Variants in REV3L observed in about 807,000 individuals in gnomAD.
REV3L encodes the protein DNA polymerase zeta catalytic subunit.
REV3L carries 69 observed loss-of-function variants against 299.4 expected under a neutral mutation model. The ratio of observed to expected loss-of-function variants is 0.23; its 90% CI spans 0.19 to 0.28. The LOEUF (loss-of-function observed/expected upper bound fraction) is 0.28, where lower values mean the gene tolerates loss of function less well. Among genes scored for constraint, REV3L ranks in the 10% least tolerant of loss-of-function variants. The pLI is 1.00. For missense variants in REV3L, 3,128 were observed against 3,693.8 expected (o/e 0.85, Z 3.97); for synonymous variants, 1,238 against 1,271.4 (o/e 0.97, Z 0.56).
intron 1 of REV3L, among the ~76,000 whole-genome samples, chr6:111,473,080 C>T (rs960102538): frequency 8.5e-5 from 13 of 152,132 alleles, no homozygotes; most frequent in Non-Finnish European, 1.5e-4. Flanking sequence ...AGCCAGATAC[C>T]AGAGTGACAT....
chr6:111,396,541 T>A (rs1447825328), intron 4 of REV3L, among the ~76,000 whole-genome samples: 1 of 152,124 alleles, frequency 6.6e-6, no homozygotes, highest in Admixed American at 6.6e-5. Flanking sequence ...TCTTCAAATT[T>A]CTAGACTAGT....
At chr6:111,339,842 G>A (rs1254707471) in intron 21 of REV3L, among the ~76,000 whole-genome samples, 2 of 152,132 alleles carry the variant, frequency 1.3e-5, no homozygotes, top group East Asian at 3.8e-4. Flanking sequence ...AAGAGTAATT[G>A]TGGCCTTTAC....
intron 16 of REV3L, among the ~76,000 whole-genome samples, chr6:111,362,072 T>C (rs1778746021): frequency 6.6e-6 from 1 of 152,232 alleles, no homozygotes; most frequent in Non-Finnish European, 1.5e-5. Flanking sequence ...TTTGCTTTAA[T>C]ACATATTTTT....
At chr6:111,326,828 A>AT (rs2114805733) in intron 25 of REV3L, among the ~76,000 whole-genome samples, 1 of 151,764 alleles carries the variant, frequency 6.6e-6, no homozygotes. Flanking sequence ...AAAGTGGCTG[A>AT]TATCTTCCAT....
chr6:111,366,179 T>C (rs778684764), intron 14 of REV3L, among the ~76,000 whole-genome samples: 2 of 152,148 alleles, frequency 1.3e-5, no homozygotes, highest in Non-Finnish European at 2.9e-5. Flanking sequence ...TGTGGAGGCA[T>C]GTATATATAA....
chr6:111,359,552 T>C (rs569267198), intron 16 of REV3L, among the ~76,000 whole-genome samples: 2 of 148,712 alleles, frequency 1.3e-5, no homozygotes, highest in South Asian at 2.1e-4. Context: ...AGAACTGTTA[T>C]GGTATCAACT....
At chr6:111,471,371 C>G (rs1792184365) in intron 1 of REV3L, among the ~76,000 whole-genome samples, 1 of 152,080 alleles carries the variant, frequency 6.6e-6, no homozygotes, top group Non-Finnish European at 1.5e-5. Flanking sequence ...ATTACCTAGA[C>G]TGTAGATATG....
rs1163731149 is a variant in REV3L at position 111,375,098 on chromosome 6, G to T, written c.3257C>A (p.Ser1086Tyr). The change falls in exon 13 of 32, where the codon TCT becomes TAT. Residue 1086 changes from serine (S) to tyrosine (Y), a missense_variant. Ser to Tyr is a moderately radical substitution (Grantham distance 144). Transcript: ENST00000368802. ...FRKKRSHAILSPPSPSYNAET... is the reference protein window; with the variant it reads ...FRKKRSHAILYPPSPSYNAET... ...AGCATTGTAAGATGGTGAGGGAGGAGAAAGAATAGCATGTGACCGTTTTTT... is the reference window on the plus strand; with the variant it reads ...AGCATTGTAAGATGGTGAGGGAGGATAAAGAATAGCATGTGACCGTTTTTT... 2 of 1,613,586 alleles carry T rather than the reference G, an allele frequency of 1.2e-6. No individual in the cohort carries two copies.
intron 18 of REV3L, 118 bp from the exon 19 acceptor site, chr6:111,351,909 C>T: frequency 3.3e-6 from 2 of 605,526 alleles, no homozygotes; most frequent in Non-Finnish European, 5.7e-6. Flanking sequence ...CTAACGGTGC[C>T]CAGATGGAGA....
At chr6:111,360,468 A>T (rs1166651762) in intron 16 of REV3L, among the ~76,000 whole-genome samples, 3 of 133,452 alleles carry the variant, frequency 2.2e-5, no homozygotes, top group Non-Finnish European at 3.3e-5. Context: ...TTGTTAAATA[A>T]TCTTTTTTTT....
chr6:111,410,320 G>C (rs1311034084), intron 3 of REV3L, among the ~76,000 whole-genome samples: 1 of 152,220 alleles, frequency 6.6e-6, no homozygotes, highest in Non-Finnish European at 1.5e-5. Context: ...CAAACTTACT[G>C]AGAACAGTTT....
At chr6:111,403,094 A>G (rs1783254048) in intron 4 of REV3L, among the ~76,000 whole-genome samples, 1 of 152,254 alleles carries the variant, frequency 6.6e-6, no homozygotes. Flanking sequence ...TATAAGCTAC[A>G]ACACTGATGA....
chr6:111,336,578 G>A (rs140300859), intron 21 of REV3L, among the ~76,000 whole-genome samples: 4 of 152,220 alleles, frequency 2.6e-5, no homozygotes, highest in Admixed American at 6.5e-5. Context: ...TGGTGGGAAC[G>A]TAAAATAGAG....
At chr6:111,431,809 T>C (rs749674706) in intron 1 of REV3L, 224 of 654,050 alleles carry the variant, frequency 3.4e-4, no homozygotes, top group Non-Finnish European at 5.6e-4. Context: ...GATTATATAT[T>C]ATGTACATAC....
At chr6:111,439,754 G>A in intron 1 of REV3L, among the ~76,000 whole-genome samples, 1 of 152,142 alleles carries the variant, frequency 6.6e-6, no homozygotes, top group East Asian at 1.9e-4. Flanking sequence ...CTGCCCGTTT[G>A]ACCCACTACA....
intron 4 of REV3L, among the ~76,000 whole-genome samples, chr6:111,399,593 T>C (rs1011646828): frequency 6.6e-6 from 1 of 152,170 alleles, no homozygotes; most frequent in Non-Finnish European, 1.5e-5. Context: ...TTCATGACCT[T>C]TGCAGTCATG....
intron 18 of REV3L, chr6:111,354,280 T>C (rs1003746696): frequency 6.6e-6 from 1 of 152,202 alleles, no homozygotes; most frequent in Admixed American, 6.5e-5. Flanking sequence ...GCAAGACTTA[T>C]TCCAGTCAGC....
At chr6:111,431,427 G>A in intron 1 of REV3L, 1 of 1,017,216 alleles carries the variant, frequency 9.8e-7, no homozygotes, top group South Asian at 1.3e-5. Flanking sequence ...TAAAGTTTTT[G>A]ATTCTGAGGA....
chr6:111,377,457 C>T (rs1041056994), intron 12 of REV3L, among the ~76,000 whole-genome samples: 2 of 152,126 alleles, frequency 1.3e-5, no homozygotes, highest in African/African-American at 2.4e-5. Context: ...CCACCTCAGC[C>T]TCCTGAGTAG....
Sources: gnomAD v4.1 joint callset for allele counts (sites outside exome capture counted in the v4.1 genomes callset) on GRCh38, gnomAD v4.1.1 for gene constraint, MANE v1.5 for transcripts, NCBI Gene and HGNC (gene_info 2026-07-23, HGNC 2026-07-21) for gene names.